The following CSRNP3 variants were observed in gnomAD, a reference collection of about 807,000 sequenced individuals.
The protein encoded by CSRNP3 is cysteine and serine rich nuclear protein 3.
CSRNP3 carries 12 observed loss-of-function variants against 48.0 expected under a neutral mutation model. That is an observed-to-expected ratio of 0.25 (90% CI 0.16 to 0.41). CSRNP3 has a LOEUF of 0.41. CSRNP3 is among the 10% of genes least tolerant of loss of function. CSRNP3 has a pLI of 1.00. For missense variants in CSRNP3, 580 were observed against 724.4 expected, an observed-to-expected ratio of 0.80 and a Z score of 2.29; for synonymous variants, 263 against 269.7, an observed-to-expected ratio of 0.98 and a Z score of 0.24.
intron 1 of CSRNP3, among the ~76,000 whole-genome samples, chr2:165,472,669 T>C (rs1005398461): frequency 2.0e-5 from 3 of 152,044 alleles, no homozygotes; most frequent in Non-Finnish European, 4.4e-5. Context: ...ACAGCTTTCC[T>C]ATTATTTTTG....
intron 3 of CSRNP3, among the ~76,000 whole-genome samples, chr2:165,583,902 G>A (rs1414909315): frequency 6.6e-6 from 1 of 152,114 alleles, no homozygotes; most frequent in Non-Finnish European, 1.5e-5. Flanking sequence ...AAGGAATTCA[G>A]GGTGAGTCCA....
chr2:165,569,872 T>C (rs1221129922), intron 3 of CSRNP3, among the ~76,000 whole-genome samples: 1 of 151,982 alleles, frequency 6.6e-6, no homozygotes, highest in Admixed American at 6.6e-5. Context: ...AGTTTAATTC[T>C]ATTTTTTCTG....
intron 4 of CSRNP3, among the ~76,000 whole-genome samples, chr2:165,638,047 CAA>C (rs973982038): frequency 9.9e-5 from 15 of 151,948 alleles, no homozygotes; most frequent in Admixed American, 6.6e-4. Context: ...AAAAATATCC[CAA>C]TATATATAGT....
chr2:165,581,563 G>T (rs1346867894), intron 3 of CSRNP3, among the ~76,000 whole-genome samples: 1 of 116,356 alleles, frequency 8.6e-6, no homozygotes, highest in Non-Finnish European at 1.6e-5. Context: ...TTGAGACAGA[G>T]TCTCACTCTG....
intron 3 of CSRNP3, among the ~76,000 whole-genome samples, chr2:165,593,664 G>A (rs1049885185): frequency 3.3e-5 from 5 of 152,154 alleles, no homozygotes; most frequent in African/African-American, 7.2e-5. Flanking sequence ...AACTAAGGGG[G>A]TCTCAGAATA....
chr2:165,476,636 T>G (rs1683965817), intron 1 of CSRNP3, among the ~76,000 whole-genome samples: 1 of 152,240 alleles, frequency 6.6e-6, no homozygotes, highest in Non-Finnish European at 1.5e-5. Context: ...TATCTATTCT[T>G]TAGGTAGTGC....
At chr2:165,616,870 T>C (rs1686254781) in intron 4 of CSRNP3, among the ~76,000 whole-genome samples, 1 of 152,160 alleles carries the variant, frequency 6.6e-6, no homozygotes, top group South Asian at 2.1e-4. Flanking sequence ...TTTTTTGTTT[T>C]TTGGTCTGAC....
intron 4 of CSRNP3, among the ~76,000 whole-genome samples, chr2:165,637,244 A>G (rs1245808153): frequency 6.6e-6 from 1 of 152,224 alleles, no homozygotes; most frequent in Non-Finnish European, 1.5e-5. Context: ...TGTCACTAGG[A>G]AAGCTTGAGT....
intron 3 of CSRNP3, 122 bp downstream of exon 3, chr2:165,518,083 G>A (rs915803794): frequency 8.5e-5 from 13 of 152,284 alleles, no homozygotes; most frequent in African/African-American, 2.9e-4. Context: ...TGTTTTAAAC[G>A]AAGTCTCCTC....
intron 3 of CSRNP3, among the ~76,000 whole-genome samples, chr2:165,557,107 C>T (rs1187705681): frequency 6.6e-6 from 1 of 152,024 alleles, no homozygotes; most frequent in Non-Finnish European, 1.5e-5. Flanking sequence ...TGCCTCACTA[C>T]CCATTTGTAT....
At chr2:165,562,917 AAG>A (rs1685252612) in intron 3 of CSRNP3, among the ~76,000 whole-genome samples, 1 of 152,136 alleles carries the variant, frequency 6.6e-6, no homozygotes. Flanking sequence ...AGAGGCTCTA[AAG>A]AGGGGGCGCT....
At chr2:165,508,679 A>G (rs1684460478) in intron 2 of CSRNP3, among the ~76,000 whole-genome samples, 1 of 152,088 alleles carries the variant, frequency 6.6e-6, no homozygotes, top group South Asian at 2.1e-4. Flanking sequence ...GTTTTCTGTC[A>G]AAAAAACAGA....
At chr2:165,660,958 T>C (rs1573952010) in intron 5 of CSRNP3, among the ~76,000 whole-genome samples, 1 of 152,174 alleles carries the variant, frequency 6.6e-6, no homozygotes, top group Non-Finnish European at 1.5e-5. Flanking sequence ...CAGAAACACA[T>C]GTCACACAAA....
At position 165,680,705 on chromosome 2, in the gene CSRNP3, A is replaced by G. The variant is rs1687520431; in HGVS notation, c.*952A>G. 6.6e-6 allele frequency: 1 copy of G among 152,532 alleles called. No homozygotes were observed. Among genetic ancestry groups the G allele is most frequent in the South Asian group, 2.1e-4 (1 of 4,826 alleles). 9.4% of individuals were successfully genotyped at this position (152,532 alleles called of 1,614,324 possible). A position where few individuals can be genotyped will look rare whatever the true frequency, so the allele number is the denominator to read the frequency against. On this transcript the variant is annotated 3_prime_UTR_variant, in exon 7 of 7. Transcript: ENST00000651982. ...AGATGAAAAAATTTAAAAAAAAATT[A>G]AAAAGATCTTTAACTATTATAAGGT...
chr2:165,567,103 A>T (rs574393393), intron 3 of CSRNP3: 4 of 152,090 alleles, frequency 2.6e-5, no homozygotes, highest in Non-Finnish European at 5.9e-5. Flanking sequence ...AATAGGATTG[A>T]TGGAAAAACC....
chr2:165,534,419 G>A (rs1443087171), intron 3 of CSRNP3, among the ~76,000 whole-genome samples: 2 of 151,790 alleles, frequency 1.3e-5, no homozygotes, highest in Non-Finnish European at 2.9e-5. Context: ...TATATTACTG[G>A]TGAACATGTA....
At chr2:165,628,638 C>T (rs546013981) in intron 4 of CSRNP3, among the ~76,000 whole-genome samples, 7 of 152,060 alleles carry the variant, frequency 4.6e-5, no homozygotes, top group African/African-American at 7.2e-5. Flanking sequence ...GCAGGAGAAT[C>T]GCTTGAACCT....
intron 3 of CSRNP3, among the ~76,000 whole-genome samples, chr2:165,560,407 A>G (rs1321415900): frequency 6.6e-6 from 1 of 152,204 alleles, no homozygotes; most frequent in Non-Finnish European, 1.5e-5. Context: ...TTTTGCTAGC[A>G]ATCACCTCAA....
chr2:165,641,361 A>C (rs1390507768), intron 4 of CSRNP3, among the ~76,000 whole-genome samples: 1 of 152,218 alleles, frequency 6.6e-6, no homozygotes, highest in South Asian at 2.1e-4. Flanking sequence ...GATTTACTAA[A>C]GACAAAAGGG....
Sources: gnomAD v4.1 joint callset for allele counts (sites outside exome capture counted in the v4.1 genomes callset) on GRCh38, gnomAD v4.1.1 for gene constraint, MANE v1.5 for transcripts, NCBI Gene and HGNC (gene_info 2026-07-23, HGNC 2026-07-21) for gene names.